Variants in FREM1 observed in about 807,000 individuals in gnomAD.
The protein encoded by FREM1 is FRAS1-related extracellular matrix protein 1.
A neutral mutation model predicts 210.1 loss-of-function variants in FREM1; 220 were observed. The ratio of observed to expected loss-of-function variants is 1.05; its 90% CI spans 0.94 to 1.17. The LOEUF (loss-of-function observed/expected upper bound fraction) is 1.17, where lower values mean the gene tolerates loss of function less well. Among genes scored for constraint, FREM1 ranks in the 50% most tolerant of loss-of-function variants. The pLI, the probability that FREM1 is intolerant of heterozygous loss-of-function variation, is 0.00. For synonymous variants in FREM1, 1,189 were observed against 980.2 expected (o/e 1.21, Z -3.98); for missense variants, 3,454 against 2,675.5 (o/e 1.29, Z -6.42).
At chr9:14,829,335 G>C (rs1043452772) in intron 10 of FREM1, among the ~76,000 whole-genome samples, 2 of 152,098 alleles carry the variant, frequency 1.3e-5, no homozygotes, top group African/African-American at 4.8e-5. Flanking sequence ...TGCTTTGCCT[G>C]GCATCATGGG....
intron 1 of FREM1, among the ~76,000 whole-genome samples, chr9:14,904,467 T>C (rs924916674): frequency 6.6e-6 from 1 of 152,112 alleles, no homozygotes; most frequent in Non-Finnish European, 1.5e-5. Context: ...ATAAGCAAAA[T>C]TGTGTAACTC....
At chr9:14,811,904 A>C (rs1819474503) in intron 16 of FREM1, among the ~76,000 whole-genome samples, 1 of 152,130 alleles carries the variant, frequency 6.6e-6, no homozygotes, top group Non-Finnish European at 1.5e-5. Flanking sequence ...TGGAACTTGC[A>C]GTTTAAAGAG....
At position 14,851,492 on chromosome 9, in the gene FREM1, AAGG is replaced by A. The variant is rs1197489807; in HGVS notation, c.941_943del (p.Ser314del). 3 of 1,614,022 alleles carry A rather than the reference AAGG, an allele frequency of 1.9e-6. No homozygotes were observed. The South Asian group carries it at 3.3e-5, about 18-fold the overall frequency. The stretch of plus-strand genomic sequence containing the variant: ...TTCACAGTCCAGAACTGATGTAGTC[AAGG>A]AGGTCAGGATGAACTGATCCACTTC... On this transcript the variant is annotated inframe_deletion, in exon 6 of 37. Transcript: ENST00000380880.
intron 36 of FREM1, among the ~76,000 whole-genome samples, chr9:14,738,574 G>A (rs1461383696): frequency 3.5e-5 from 5 of 141,626 alleles, no homozygotes; most frequent in African/African-American, 1.1e-4. Flanking sequence ...AGAATTTAGG[G>A]ACCCACTGAG....
chr9:14,769,690 C>T (rs1361130983), intron 27 of FREM1, 34 bp downstream of exon 27: 1 of 1,601,764 alleles, frequency 6.2e-7, no homozygotes, highest in Non-Finnish European at 8.5e-7. Flanking sequence ...ATGGATGTAA[C>T]ATATAGGACT....
chr9:14,861,101 A>G (rs1363153744), intron 3 of FREM1, among the ~76,000 whole-genome samples: 2 of 109,416 alleles, frequency 1.8e-5, no homozygotes, highest in Non-Finnish European at 3.3e-5. Context: ...ATATATAAAC[A>G]TATATACACA....
At chr9:14,752,299 G>A (rs901430819) in intron 29 of FREM1, among the ~76,000 whole-genome samples, 1 of 152,084 alleles carries the variant, frequency 6.6e-6, no homozygotes, top group Admixed American at 6.5e-5. Flanking sequence ...AGGATTAGGA[G>A]GGAGGAAACA....
At chr9:14,804,820 T>G (rs1818059782) in intron 19 of FREM1, 136 bp downstream of exon 19, 1 of 586,992 alleles carries the variant, frequency 1.7e-6, no homozygotes, top group Admixed American at 3.0e-5. Flanking sequence ...TTCAAATGAT[T>G]GCATTACATA....
chr9:14,861,094 TATAAACATATATAC>T (rs1830271069), intron 3 of FREM1, among the ~76,000 whole-genome samples: 1 of 102,828 alleles, frequency 9.7e-6, no homozygotes, highest in African/African-American at 5.1e-5. Context: ...TACACATATA[TATAAACATATATAC>T]ACATATATAT....
intron 3 of FREM1, among the ~76,000 whole-genome samples, chr9:14,863,351 A>G (rs1830920336): frequency 1.3e-5 from 2 of 152,104 alleles, no homozygotes; most frequent in South Asian, 4.2e-4. Flanking sequence ...AAAAAAAAAA[A>G]AAAAAAGGAA....
intron 2 of FREM1, among the ~76,000 whole-genome samples, chr9:14,865,569 GTGT>G (rs998498514): frequency 3.3e-5 from 5 of 152,104 alleles, no homozygotes. Context: ...ACACAGCAGG[GTGT>G]TGTTAATACA....
In FREM1 at chr9:14,881,711, GA is replaced by G. The variant is rs111792305; in HGVS notation, c.-267-12468del. On this transcript the variant is annotated intron_variant, in intron 1 of 36. Transcript: ENST00000380880. ...ACATCCAACCTCACCTTCCTCCATA[GA>G]AATAAAAATTTTAACTAGGTATATA... Among the ~76,000 whole-genome samples, 1,055 of 152,224 alleles carry G rather than the reference GA, an allele frequency of 6.9e-3. 8 individuals carry two copies. The highest frequency in any genetic ancestry group is 0.024 in the African/African-American group (1,017 of 41,532).
chr9:14,849,125 T>G (rs1165434412), intron 6 of FREM1, among the ~76,000 whole-genome samples: 3 of 152,172 alleles, frequency 2.0e-5, no homozygotes, highest in African/African-American at 7.2e-5. Context: ...GGTTTTCAAC[T>G]AGGGGTGATG....
At chr9:14,740,057 T>C (rs1241949979) in intron 36 of FREM1, 92 bp downstream of exon 36, 2 of 723,786 alleles carry the variant, frequency 2.8e-6, no homozygotes, top group Admixed American at 4.5e-5. Flanking sequence ...CACTATCATT[T>C]AACCCATGGA....
intron 10 of FREM1, among the ~76,000 whole-genome samples, chr9:14,827,447 G>T (rs1389647823): frequency 1.3e-5 from 2 of 152,190 alleles, no homozygotes; most frequent in Admixed American, 6.5e-5. Flanking sequence ...TGAGCACGTT[G>T]CATGGCTTTT....
chr9:14,842,293 G>C (rs749646382), intron 9 of FREM1, 23 bp downstream of exon 9: 1 of 1,418,606 alleles, frequency 7.0e-7, no homozygotes, highest in African/African-American at 1.4e-5. Flanking sequence ...CCATTCAAAT[G>C]ATCTTAACTG....
chr9:14,737,415 A>G lies in FREM1; in HGVS notation c.6521T>C (p.Val2174Ala), dbSNP rs17856912. 1 of 1,613,512 alleles carries G rather than the reference A, an allele frequency of 6.2e-7. No individual in the cohort carries two copies. Among genetic ancestry groups the G allele is most frequent in the Non-Finnish European group, 8.5e-7 (1 of 1,179,738 alleles). The change falls in exon 37 of 37, where the codon GTG becomes GCG. Residue 2174 changes from valine to alanine, a missense_variant. Val to Ala is a moderately conservative substitution (Grantham distance 64). Coordinates refer to ENST00000380880, the MANE Select transcript of FREM1 (RefSeq NM_001379081.2). The stretch of plus-strand genomic sequence containing the variant: ...TTATATTTAGAGTTTTCTGGAACAC[A>G]CATAATTATGAGGTTTGGCTCTCCT... ...DCRRAKPHNYVCSRKL is the reference protein window; with the variant it reads ...DCRRAKPHNYACSRKL
chr9:14,803,808 T>C (rs1251202300), intron 19 of FREM1, among the ~76,000 whole-genome samples: 1 of 152,228 alleles, frequency 6.6e-6, no homozygotes, highest in East Asian at 1.9e-4. Flanking sequence ...TTTTCTTTTA[T>C]CTAGCCCTAC....
At position 14,737,278 on chromosome 9, in the gene FREM1, A is replaced by T. The variant is rs1840561142; in HGVS notation, c.*118T>A. 3.2e-6 allele frequency: 2 copies of T among 623,932 alleles called. No individual in the cohort carries two copies. The highest frequency in any genetic ancestry group is 5.4e-6 in the Non-Finnish European group (2 of 369,426). 38.6% of individuals were successfully genotyped at this position (623,932 alleles called of 1,614,324 possible). A position where few individuals can be genotyped will look rare whatever the true frequency, so the allele number is the denominator to read the frequency against. ...AAAATGTCCCATTTTCACTAGACAGAATCACAAAGGTATACCCACTCAATC... is the reference window on the plus strand; with the variant it reads ...AAAATGTCCCATTTTCACTAGACAGTATCACAAAGGTATACCCACTCAATC... On this transcript the variant is annotated 3_prime_UTR_variant, in exon 37 of 37. Transcript: ENST00000380880.
Sources: allele counts gnomAD v4.1 joint callset (sites outside exome capture counted in the v4.1 genomes callset), GRCh38; gene constraint gnomAD v4.1.1; transcripts MANE v1.5; gene names NCBI Gene and HGNC (gene_info 2026-07-23, HGNC 2026-07-21).